XYLB: variants seen among roughly 807,000 people sequenced by gnomAD.
The protein encoded by XYLB is xylulokinase.
In XYLB, 62 loss-of-function variants were observed where a neutral mutation model predicts 78.7. The observed-to-expected ratio is 0.79, with a 90% CI of 0.64 to 0.97. The LOEUF is 0.97. Among genes scored for constraint, XYLB ranks in the 50% least tolerant of loss-of-function variants. The pLI is 0.00. For missense variants in XYLB, 687 were observed against 676.8 expected, an observed-to-expected ratio of 1.02 and a Z score of -0.17; for synonymous variants, 245 against 247.4, an observed-to-expected ratio of 0.99 and a Z score of 0.09.
At chr3:38,370,238 G>GCACACACACA (rs1553653435) in intron 9 of XYLB, 64 bp downstream of exon 9, 41 of 326,672 alleles carry the variant, frequency 1.3e-4, no homozygotes, top group Non-Finnish European at 1.5e-4. Context: ...AAGCACTGTA[G>GCACACACACA]CGCACACACA....
the XYLB span, among the ~76,000 whole-genome samples, chr3:38,433,136 A>G: frequency 6.6e-6 from 1 of 152,250 alleles, no homozygotes; most frequent in Non-Finnish European, 1.5e-5. Flanking sequence ...CTGCACCTGC[A>G]GGCCCAACAC....
chr3:38,417,543 G>A (rs777407995), downstream of XYLB, among the ~76,000 whole-genome samples: 2 of 152,072 alleles, frequency 1.3e-5, no homozygotes, highest in African/African-American at 4.8e-5. Flanking sequence ...AAAGACCCTG[G>A]ACCCCCAACT....
the XYLB span, among the ~76,000 whole-genome samples, chr3:38,435,994 T>C: frequency 6.6e-6 from 1 of 151,930 alleles, no homozygotes; most frequent in Non-Finnish European, 1.5e-5. Context: ...AGATCACAAG[T>C]TAACAAGCTA....
intron 15 of XYLB, among the ~76,000 whole-genome samples, chr3:38,384,056 CTTTGTTTTG>C (rs1005629866): frequency 6.6e-6 from 1 of 151,776 alleles, no homozygotes; most frequent in African/African-American, 2.4e-5. Flanking sequence ...TGTTTGTTTT[CTTTGTTTTG>C]TTTTGTTTTG....
chr3:38,421,966 G>T (rs544458572), downstream of XYLB, among the ~76,000 whole-genome samples: 108 of 152,324 alleles, frequency 7.1e-4, no homozygotes, highest in African/African-American at 2.4e-3. Context: ...AGACAAGAGG[G>T]TGATATGGAT....
chr3:38,416,478 G>A (rs1326930273), downstream of XYLB, among the ~76,000 whole-genome samples: 5 of 152,104 alleles, frequency 3.3e-5, no homozygotes, highest in Non-Finnish European at 7.4e-5. Flanking sequence ...AATATATTAA[G>A]TCCAAGCATA....
downstream of XYLB, among the ~76,000 whole-genome samples, chr3:38,424,542 T>C (rs1709063619): frequency 6.6e-6 from 1 of 152,212 alleles, no homozygotes; most frequent in Non-Finnish European, 1.5e-5. Context: ...GAATTGAAGG[T>C]GCGGAAAATG....
At chr3:38,447,624 G>T in the XYLB span, among the ~76,000 whole-genome samples, 3,820 of 151,970 alleles carry the variant, frequency 0.025, 168 homozygotes, top group African/African-American at 0.086. Context: ...TGGCCGAAAA[G>T]GGAACTCTTA....
At chr3:38,353,885 T>TAA (rs71085315) in intron 2 of XYLB, among the ~76,000 whole-genome samples, 97,741 of 121,686 alleles carry the variant, frequency 0.8, 40,809 homozygotes, top group Non-Finnish European at 0.91. Flanking sequence ...AGACTCCATA[T>TAA]AAAAAAAAAA....
intron 15 of XYLB, among the ~76,000 whole-genome samples, chr3:38,387,356 T>TTTTTG (rs1489807943): frequency 6.6e-6 from 1 of 152,030 alleles, no homozygotes; most frequent in Non-Finnish European, 1.5e-5. Context: ...ACAAGTTCAT[T>TTTTTG]TTTTGTTTTG....
chr3:38,372,790 G>T, intron 10 of XYLB, 54 bp downstream of exon 10: 2 of 1,586,346 alleles, frequency 1.3e-6, no homozygotes, highest in Non-Finnish European at 1.7e-6. Context: ...GTCCATGCTG[G>T]ATGTTTGAGA....
intron 2 of XYLB, 56 bp from the exon 3 acceptor site, chr3:38,360,283 T>C (rs1482090231): frequency 2.6e-6 from 4 of 1,529,706 alleles, no homozygotes; most frequent in Non-Finnish European, 3.6e-6. Context: ...TCTCCTGGCT[T>C]TGCAATGGTC....
intron 18 of XYLB, among the ~76,000 whole-genome samples, chr3:38,405,934 G>T (rs1320638002): frequency 6.6e-6 from 1 of 152,242 alleles, no homozygotes; most frequent in African/African-American, 2.4e-5. Flanking sequence ...GCCTGCCTCT[G>T]TAGGCTCCAC....
Position 38,395,531 on chromosome 3 carries a change from G to A in XYLB, c.1318G>A (p.Gly440Arg). 3 of 1,614,224 alleles carry A rather than the reference G, an allele frequency of 1.9e-6. No individual in the cohort carries two copies. The highest frequency in any genetic ancestry group is 1.1e-5 in the South Asian group (1 of 91,086). Residue 440 changes from glycine (G) to arginine (R), a missense_variant, in exon 16 of 19, where the codon GGA becomes AGA. Gly to Arg is a moderately radical substitution (Grantham distance 125). Transcript: ENST00000207870. ...GTCCAAGACAAAGATTTTGGCCACA[G>A]GAGGAGCATCTCACAATAGAGAAAT... ...VMSKTKILAT[G>R]GASHNREILQ... is the part of the protein sequence containing the mutation.
intron 18 of XYLB, among the ~76,000 whole-genome samples, chr3:38,412,255 T>C (rs1329674873): frequency 6.6e-6 from 1 of 152,198 alleles, no homozygotes; most frequent in African/African-American, 2.4e-5. Context: ...CCTCCCAAAG[T>C]GCTGGGATTG....
chr3:38,369,626 G>A (rs1179571338), intron 8 of XYLB, among the ~76,000 whole-genome samples: 1 of 152,200 alleles, frequency 6.6e-6, no homozygotes, highest in African/African-American at 2.4e-5. Context: ...AGAGCTAGTA[G>A]GTTGATCTCA....
At chr3:38,423,385 T>C (rs1709038575), downstream of XYLB, among the ~76,000 whole-genome samples, 1 of 152,136 alleles carries the variant, frequency 6.6e-6, no homozygotes, top group South Asian at 2.1e-4. Flanking sequence ...CAGTCTTTGT[T>C]AAGAAAAAAT....
chr3:38,400,064 C>CTGG (rs1367646998), intron 17 of XYLB, among the ~76,000 whole-genome samples: 1 of 152,156 alleles, frequency 6.6e-6, no homozygotes, highest in Non-Finnish European at 1.5e-5. Flanking sequence ...TTCTTCACTC[C>CTGG]TGGTGGTGGT....
chr3:38,389,764 TTCTC>T (rs1201445171), intron 15 of XYLB, among the ~76,000 whole-genome samples: 1 of 152,144 alleles, frequency 6.6e-6, no homozygotes, highest in Non-Finnish European at 1.5e-5. Context: ...ACAGAGCTCT[TTCTC>T]TGTTTTCCAG....
Sources: allele counts gnomAD v4.1 joint callset (sites outside exome capture counted in the v4.1 genomes callset), GRCh38; gene constraint gnomAD v4.1.1; transcripts MANE v1.5; gene names NCBI Gene and HGNC (gene_info 2026-07-23, HGNC 2026-07-21).